Variants in KDM7A observed in about 807,000 individuals in gnomAD.
KDM7A encodes lysine demethylase 7A, also known as lysine-specific demethylase 7A.
In KDM7A, 28 loss-of-function variants were observed where a neutral mutation model predicts 114.8. That is an observed-to-expected ratio of 0.24 (90% confidence interval 0.18 to 0.33). The LOEUF (loss-of-function observed/expected upper bound fraction) is 0.33. Among genes scored for constraint, KDM7A ranks in the 10% least tolerant of loss-of-function variants. The pLI is 1.00. For synonymous variants in KDM7A, 423 were observed against 397.8 expected (o/e 1.06, Z -0.75); for missense variants, 942 against 1,142.5 (o/e 0.82, Z 2.53).
intron 1 of KDM7A, among the ~76,000 whole-genome samples, chr7:140,141,480 T>C (rs1358846158): frequency 3.9e-5 from 6 of 152,104 alleles, no homozygotes; most frequent in Non-Finnish European, 5.9e-5. Context: ...TGTGCACTCA[T>C]ATGTAACAGG....
chr7:140,158,131 A>C (rs918606347), intron 1 of KDM7A, among the ~76,000 whole-genome samples: 1 of 152,146 alleles, frequency 6.6e-6, no homozygotes, highest in Admixed American at 6.5e-5. Context: ...TTCAGGAACT[A>C]TTTAAAAAGA....
At chr7:140,119,020 A>G in intron 9 of KDM7A, 93 bp downstream of exon 9, 1 of 699,696 alleles carries the variant, frequency 1.4e-6, no homozygotes, top group Non-Finnish European at 2.5e-6. Context: ...TCCATACACT[A>G]CTAGAAAAGG....
chr7:140,096,934 G>A lies in KDM7A; in HGVS notation c.2130C>T (p.Ser710=), dbSNP rs746379091. 14 of 1,613,680 alleles carry A rather than the reference G, an allele frequency of 8.7e-6. No homozygotes were observed. Among genetic ancestry groups the A allele is most frequent in the South Asian group, 1.1e-5 (1 of 91,066 alleles). The stretch of plus-strand genomic sequence containing the variant: ...GAATTTCACTTCTAGATGGCTTCTG[G>A]CTCTTTTGAAGGAAGTTCCTCATCA... ...SNVMRNFLQK[S]QKPSRSEIPI... Residue 710 remains serine, a synonymous_variant, in exon 16 of 20, where the codon AGC becomes AGT. Transcript: ENST00000397560.
In KDM7A at chr7:140,133,536, T is replaced by A; in HGVS notation, c.398+3A>T. ...TTTCTTTTATCAGAGTAAGTTTCCA[T>A]ACCTTGGGAAGACTCGAGAGCGTAA... is the stretch of plus-strand genomic sequence containing the variant. On this transcript the variant is annotated splice_donor_region_variant and intron_variant, in intron 3 of 19. Coordinates refer to ENST00000397560, the MANE Select transcript of KDM7A (RefSeq NM_030647.2). The A allele has an allele frequency of 6.6e-7, 1 of 1,511,356 alleles. No homozygotes were observed. Among genetic ancestry groups the A allele is most frequent in the Non-Finnish European group, 9.2e-7 (1 of 1,089,074 alleles). 93.6% of individuals were successfully genotyped at this position (1,511,356 alleles called of 1,614,324 possible).
At chr7:140,156,616 C>G (rs1388176939) in intron 1 of KDM7A, among the ~76,000 whole-genome samples, 1 of 152,132 alleles carries the variant, frequency 6.6e-6, no homozygotes, top group African/African-American at 2.4e-5. Flanking sequence ...AGGTCCCACC[C>G]AAAGGGAGAG....
rs1818001104 is a variant in KDM7A at position 140,090,576 on chromosome 7, G to A, written c.*518C>T. The A allele has an allele frequency of 6.6e-6, 1 of 152,242 alleles. No individual in the cohort carries two copies. Among genetic ancestry groups the A allele is most frequent in the African/African-American group, 2.4e-5 (1 of 41,364 alleles). 9.4% of individuals were successfully genotyped at this position (152,242 alleles called of 1,614,324 possible). ...TTTAACCTGAATATCAAATTTAAGA[G>A]TCCAGACTAGTTACTGTTACTGTGG... On this transcript the variant is annotated 3_prime_UTR_variant, in exon 20 of 20. Coordinates refer to ENST00000397560, the MANE Select transcript of KDM7A (RefSeq NM_030647.2).
In KDM7A at chr7:140,088,615, A is replaced by G. The variant is rs1817971997; in HGVS notation, c.*2479T>C. Reference sequence around the variant, plus strand: ...TAATGTTATAAGACGTTTGACCAGGAGTCACTGGATCAGTGGCCGAATTTT... The same window carrying G: ...TAATGTTATAAGACGTTTGACCAGGGGTCACTGGATCAGTGGCCGAATTTT... On this transcript the variant is annotated 3_prime_UTR_variant, in exon 20 of 20. Coordinates refer to ENST00000397560, the MANE Select transcript of KDM7A (RefSeq NM_030647.2). 7.5e-6 allele frequency: 3 copies of G among 397,384 alleles called. No individual in the cohort carries two copies. The highest frequency in any genetic ancestry group is 1.3e-5 in the Non-Finnish European group (3 of 225,272). The allele number at this position is 397,384 out of a possible 1,614,324, so 24.6% of individuals were successfully genotyped here.
intron 1 of KDM7A, among the ~76,000 whole-genome samples, chr7:140,154,344 A>C (rs562582746): frequency 1.4e-4 from 21 of 151,936 alleles, no homozygotes; most frequent in African/African-American, 4.8e-4. Flanking sequence ...GTTTTTAAAA[A>C]TTAGCCAGGT....
chr7:140,098,911 A>C lies in KDM7A; in HGVS notation c.1886T>G (p.Val629Gly). 3 of 1,610,676 alleles carry C rather than the reference A, an allele frequency of 1.9e-6. No homozygotes were observed. Among genetic ancestry groups the C allele is most frequent in the Middle Eastern group, 1.7e-4 (1 of 6,046 alleles). Residue 629 changes from valine (V) to glycine (G), a missense_variant, in exon 14 of 20, where the codon GTG becomes GGG. This residue lies in a region of KDM7A where 512 missense variants were observed against 576.6 expected (regional missense o/e 0.89). Coordinates refer to ENST00000397560, the MANE Select transcript of KDM7A (RefSeq NM_030647.2). ...KIEESSGVEG[V>G]EHEESQKPLN... Reference sequence around the variant, plus strand: ...TGGTTTTTGAGATTCTTCATGTTCCACTCCCTCTACTCCTGAACTCTCTTC... The same window carrying C: ...TGGTTTTTGAGATTCTTCATGTTCCCCTCCCTCTACTCCTGAACTCTCTTC...
At chr7:140,134,726 T>C (rs1247461212) in intron 2 of KDM7A, among the ~76,000 whole-genome samples, 1 of 152,078 alleles carries the variant, frequency 6.6e-6, no homozygotes, top group Non-Finnish European at 1.5e-5. Flanking sequence ...AATGAAAATG[T>C]TAATAGTAGA....
At chr7:140,127,978 T>C (rs1818732802) in intron 4 of KDM7A, among the ~76,000 whole-genome samples, 1 of 151,886 alleles carries the variant, frequency 6.6e-6, no homozygotes, top group Non-Finnish European at 1.5e-5. Context: ...GAGACTGACT[T>C]TTCCCTTTCA....
At chr7:140,107,744 C>T (rs899343982) in intron 11 of KDM7A, among the ~76,000 whole-genome samples, 8 of 152,124 alleles carry the variant, frequency 5.3e-5, no homozygotes, top group Non-Finnish European at 1.0e-4. Flanking sequence ...CTGACAATTA[C>T]GTGTCTTGGA....
At chr7:140,162,446 G>A (rs903171601) in intron 1 of KDM7A, among the ~76,000 whole-genome samples, 9 of 152,024 alleles carry the variant, frequency 5.9e-5, no homozygotes. Context: ...TATAAAGGAA[G>A]AATATGTTAA....
At chr7:140,166,483 G>A (rs1270035326) in intron 1 of KDM7A, among the ~76,000 whole-genome samples, 1 of 151,620 alleles carries the variant, frequency 6.6e-6, no homozygotes, top group East Asian at 1.9e-4. Flanking sequence ...GGGAATACAG[G>A]CACTCCCCAC....
intron 1 of KDM7A, among the ~76,000 whole-genome samples, chr7:140,158,592 A>G (rs1001763857): frequency 2.0e-5 from 3 of 152,230 alleles, no homozygotes; most frequent in African/African-American, 7.2e-5. Flanking sequence ...GTGGAGATAT[A>G]AAGTTGGCAA....
rs565390192 is a variant in KDM7A, at chr7:140,144,777, GC to G, written c.195-5588del. On this transcript the variant is annotated intron_variant, in intron 1 of 19. Coordinates refer to ENST00000397560, the MANE Select transcript of KDM7A (RefSeq NM_030647.2). ...CGTAATCCACAATGTTGGAGGTGGA[GC>G]CCGGTGTGAATTGTTTGGGTCATAG... Among the ~76,000 whole-genome samples the G allele has an allele frequency of 1.3e-3, 193 of 152,078 alleles. 2 individuals are homozygous for G. The highest frequency in any genetic ancestry group is 4.5e-3 in the African/African-American group (185 of 41,490).
chr7:140,102,907 C>T (rs1818256292), intron 11 of KDM7A, among the ~76,000 whole-genome samples: 1 of 152,128 alleles, frequency 6.6e-6, no homozygotes, highest in Non-Finnish European at 1.5e-5. Context: ...GCCTCCTCTT[C>T]CCCATCCCTC....
rs181734416 is a variant in KDM7A at position 140,104,703 on chromosome 7, G to C, written c.1429-2543C>G. 7.8e-4 allele frequency among the ~76,000 whole-genome samples: 119 copies of C among 152,308 alleles called. 1 individual carries two copies. The highest frequency in any genetic ancestry group is 2.7e-3 in the African/African-American group (113 of 41,548). Reference sequence around the variant, plus strand: ...CTGTTTTGGTTACTGTAGCCTTGTAGTATAGTTTGAAGTCAGGTAGCATGA... The same window carrying C: ...CTGTTTTGGTTACTGTAGCCTTGTACTATAGTTTGAAGTCAGGTAGCATGA... On this transcript the variant is annotated intron_variant, in intron 11 of 19. Transcript: ENST00000397560.
intron 1 of KDM7A, among the ~76,000 whole-genome samples, chr7:140,162,670 T>C (rs1794533577): frequency 6.6e-6 from 1 of 152,162 alleles, no homozygotes; most frequent in Admixed American, 6.5e-5. Flanking sequence ...GAACATGAAT[T>C]TTAAACTATG....
Sources: gnomAD v4.1 joint callset for allele counts (sites outside exome capture counted in the v4.1 genomes callset) on GRCh38, gnomAD v4.1.1 for gene constraint, gnomAD v4.1.1 regional missense constraint, MANE v1.5 for transcripts, NCBI Gene and HGNC (gene_info 2026-07-23, HGNC 2026-07-21) for gene names.